Variants in BRWD1 observed in about 807,000 individuals in gnomAD.
BRWD1 encodes the protein bromodomain and WD repeat domain containing 1.
Under a neutral mutation model 251.2 loss-of-function variants are expected in BRWD1, and 82 were observed. That is an observed-to-expected ratio of 0.33 (90% CI 0.27 to 0.39). The LOEUF is 0.39. Among genes scored for constraint, BRWD1 ranks in the 10% least tolerant of loss-of-function variants. The pLI, the probability that BRWD1 is intolerant of heterozygous loss-of-function variation, is 1.00. For synonymous variants in BRWD1, 918 were observed against 902.8 expected (o/e 1.02, Z -0.30); for missense variants, 2,233 against 2,711.6 (o/e 0.82, Z 3.92).
intron 28 of BRWD1, 146 bp from the exon 29 acceptor site, chr21:39,224,615 G>A: frequency 5.4e-6 from 3 of 554,194 alleles, no homozygotes; most frequent in Non-Finnish European, 6.4e-6. Flanking sequence ...TTTTTAAGAA[G>A]GATATATTAT....
intron 7 of BRWD1, among the ~76,000 whole-genome samples, chr21:39,294,515 C>T (rs944655774): frequency 1.3e-5 from 2 of 152,002 alleles, no homozygotes; most frequent in Non-Finnish European, 2.9e-5. Flanking sequence ...ATTAGCCGGG[C>T]GTGGTGGCTG....
rs78850781 is a variant in BRWD1, at chr21:39,187,314, C to T, written c.*8945G>A. 1 of 1,613,914 alleles carries T rather than the reference C, an allele frequency of 6.2e-7. No individual in the cohort carries two copies. Among genetic ancestry groups the T allele is most frequent in the Non-Finnish European group, 8.5e-7 (1 of 1,179,918 alleles). On this transcript the variant is annotated 3_prime_UTR_variant, in exon 41 of 41. Coordinates refer to ENST00000342449, the MANE Select transcript of BRWD1 (RefSeq NM_033656.4). The stretch of plus-strand genomic sequence containing the variant: ...ATCTGCGGGGAACTTTCTCAGGTAC[C>T]ATTTTTGCTTTCAGAGTTTCACTAG...
At position 39,195,896 on chromosome 21, in the gene BRWD1, CTT is replaced by C; in HGVS notation, c.*361_*362del. The C allele has an allele frequency of 9.9e-7, 1 of 1,005,392 alleles. No individual in the cohort carries two copies. The highest frequency in any genetic ancestry group is 1.2e-6 in the Non-Finnish European group (1 of 843,800). 62.3% of individuals were successfully genotyped at this position (1,005,392 alleles called of 1,614,324 possible). A position where few individuals can be genotyped will look rare whatever the true frequency, so the allele number is the denominator to read the frequency against. On this transcript the variant is annotated 3_prime_UTR_variant, in exon 41 of 41. Coordinates refer to ENST00000342449, the MANE Select transcript of BRWD1 (RefSeq NM_033656.4). ...GAACAGGGGTTAGAAACTACTGCCT[CTT>C]TGACAAATTCAGAAAATAACTGCAT...
At chr21:39,216,675 G>C (rs2032905494) in intron 31 of BRWD1, 1 of 406,092 alleles carries the variant, frequency 2.5e-6, no homozygotes, top group Non-Finnish European at 4.9e-6. Flanking sequence ...GGAATTTCTT[G>C]GGACCTACAA....
chr21:39,276,109 C>A, intron 12 of BRWD1, 64 bp downstream of exon 12: 1 of 1,407,610 alleles, frequency 7.1e-7, no homozygotes, highest in Non-Finnish European at 9.7e-7. Context: ...GTTAGCTATA[C>A]TAACATGTAG....
At chr21:39,318,966 G>T (rs554841544) in intron 1 of BRWD1, among the ~76,000 whole-genome samples, 2 of 152,114 alleles carry the variant, frequency 1.3e-5, no homozygotes, top group Admixed American at 6.6e-5. Flanking sequence ...TAGAGACAGG[G>T]TCTCACTGCA....
At position 39,218,698 on chromosome 21, in the gene BRWD1, A is replaced by AAC. The variant is rs1568880337; in HGVS notation, c.3383-40_3383-39dup. ...TAAAAAACAATGAGAGGAAGAAAAA[A>AAC]ACACAAAAAATAAATATATACGGTA... On this transcript the variant is annotated intron_variant, in intron 29 of 40. Transcript: ENST00000342449. 6 of 1,494,020 alleles carry AAC rather than the reference A, an allele frequency of 4.0e-6. No homozygotes were observed. The South Asian group carries it at 7.9e-5, about 20-fold the overall frequency. 92.5% of individuals were successfully genotyped at this position (1,494,020 alleles called of 1,614,324 possible).
In BRWD1 at chr21:39,248,219, A is replaced by T. The variant is rs564609932; in HGVS notation, c.2350-387T>A. 1.1e-4 allele frequency among the ~76,000 whole-genome samples: 17 copies of T among 152,340 alleles called. No individual in the cohort carries two copies. In the South Asian group the frequency reaches 3.3e-3, roughly 30 times the overall value. On this transcript the variant is annotated intron_variant, in intron 20 of 40. Coordinates refer to ENST00000342449, the MANE Select transcript of BRWD1 (RefSeq NM_033656.4). ...AAGGAATTTCTCACTATCTCTATAC[A>T]TAGGTGTAAAGAAAAAATGTTCAAC...
chr21:39,260,705 C>T (rs1320781519), intron 17 of BRWD1, among the ~76,000 whole-genome samples: 1 of 152,186 alleles, frequency 6.6e-6, no homozygotes, highest in African/African-American at 2.4e-5. Context: ...TGGAGACAAA[C>T]CCTCTGATTG....
intron 37 of BRWD1, among the ~76,000 whole-genome samples, chr21:39,203,451 T>TTTTTTTTTTTTG (rs2032222037): frequency 7.1e-6 from 1 of 140,062 alleles, no homozygotes; most frequent in Non-Finnish European, 1.6e-5. Context: ...TTTTTTTTTT[T>TTTTTTTTTTTTG]TTTTTTTTTT....
At position 39,264,910 on chromosome 21, in the gene BRWD1, C is replaced by A; in HGVS notation, c.1640G>T (p.Cys547Phe). 1 of 1,613,134 alleles carries A rather than the reference C, an allele frequency of 6.2e-7. No individual in the cohort carries two copies. The highest frequency in any genetic ancestry group is 8.5e-7 in the Non-Finnish European group (1 of 1,179,738). ...HGHLLIFGFGCSKPYEKIPDQ... is the reference protein window; with the variant it reads ...HGHLLIFGFGFSKPYEKIPDQ... ...AATGACCTTTTCATATGGTTTGCTGCATCCAAAACCAAATATCAGAAGGTG... is the reference window on the plus strand; with the variant it reads ...AATGACCTTTTCATATGGTTTGCTGAATCCAAAACCAAATATCAGAAGGTG... The change falls in exon 16 of 41, where the codon TGC becomes TTC. Residue 547 changes from cysteine to phenylalanine, a missense_variant. Transcript: ENST00000342449.
intron 25 of BRWD1, 98 bp from the exon 26 acceptor site, chr21:39,229,534 C>T: frequency 8.5e-7 from 1 of 1,169,838 alleles, no homozygotes. Context: ...ATAATTTAGG[C>T]TTCCAAACCC....
At chr21:39,255,922 C>T (rs183842224) in intron 18 of BRWD1, 94 bp from the exon 19 acceptor site, 37 of 1,108,258 alleles carry the variant, frequency 3.3e-5, no homozygotes, top group Admixed American at 7.7e-5. Context: ...AGATGCGCAC[C>T]AAAAATAAAG....
intron 17 of BRWD1, among the ~76,000 whole-genome samples, chr21:39,259,626 G>A (rs2034676084): frequency 6.6e-6 from 1 of 152,078 alleles, no homozygotes; most frequent in Non-Finnish European, 1.5e-5. Context: ...GGAGGCCAAG[G>A]CAGGTGGATC....
chr21:39,316,647 G>A (rs1016484313), upstream of BRWD1, among the ~76,000 whole-genome samples: 1 of 152,202 alleles, frequency 6.6e-6, no homozygotes, highest in African/African-American at 2.4e-5. Flanking sequence ...GATCAGAAAT[G>A]ATGACACGAG....
At chr21:39,249,232 G>A (rs35909862) in intron 20 of BRWD1, among the ~76,000 whole-genome samples, 92,247 of 151,996 alleles carry the variant, frequency 0.61, 28,186 homozygotes, top group Admixed American at 0.66. Flanking sequence ...GGTGAGGACC[G>A]GGAAACTACC....
At position 39,189,565 on chromosome 21, in the gene BRWD1, T is replaced by A. The variant is rs374188646; in HGVS notation, c.*6694A>T. 2 of 984,172 alleles carry A rather than the reference T, an allele frequency of 2.0e-6. No individual in the cohort carries two copies. The highest frequency in any genetic ancestry group is 9.4e-5 in the South Asian group (2 of 21,266). 61.0% of individuals were successfully genotyped at this position (984,172 alleles called of 1,614,324 possible). A position where few individuals can be genotyped will look rare whatever the true frequency, so the allele number is the denominator to read the frequency against. On this transcript the variant is annotated 3_prime_UTR_variant, in exon 41 of 41. Transcript: ENST00000342449. ...TAACTATGCCCAAGGGAGGGAGAAT[T>A]TGAATTACACTGTACTCTAACTTGA...
In BRWD1 at chr21:39,194,708, G is replaced by T. The variant is rs200187639; in HGVS notation, c.*1551C>A. The stretch of plus-strand genomic sequence containing the variant: ...AACATTAATACCAGTCTGATGCTTC[G>T]CCTTGTCTGCCACTTCAAAGATACA... On this transcript the variant is annotated 3_prime_UTR_variant, in exon 41 of 41. Coordinates refer to ENST00000342449, the MANE Select transcript of BRWD1 (RefSeq NM_033656.4). The T allele has an allele frequency of 1.3e-6, 2 of 1,535,012 alleles. No homozygotes were observed. The highest frequency in any genetic ancestry group is 1.7e-6 in the Non-Finnish European group (2 of 1,145,926).
rs2031573550 is a variant in BRWD1 at position 39,191,908 on chromosome 21, A to G, written c.*4351T>C. The G allele has an allele frequency of 1.0e-6, 1 of 983,154 alleles. No homozygotes were observed. Among genetic ancestry groups the G allele is most frequent in the African/African-American group, 1.7e-5 (1 of 57,172 alleles). The allele number at this position is 983,154 out of a possible 1,614,324, so 60.9% of individuals were successfully genotyped here. On this transcript the variant is annotated 3_prime_UTR_variant, in exon 41 of 41. Transcript: ENST00000342449. ...GACCAGAAAGTATACCATAGCATTG[A>G]TAATTAAATTCAAACTATTGGTCTT... is the stretch of plus-strand genomic sequence containing the variant.
Sources: gnomAD v4.1 joint callset for allele counts (sites outside exome capture counted in the v4.1 genomes callset) on GRCh38, gnomAD v4.1.1 for gene constraint, MANE v1.5 for transcripts, NCBI Gene and HGNC (gene_info 2026-07-23, HGNC 2026-07-21) for gene names.